CELF2: variants seen among roughly 807,000 people sequenced by gnomAD.
The protein encoded by CELF2 is CUG triplet repeat RNA-binding protein 2.
CELF2 carries 8 observed loss-of-function variants against 62.6 expected under a neutral mutation model. That is an observed-to-expected ratio of 0.13 (90% CI 0.07 to 0.23). The LOEUF is 0.23. CELF2 is among the 10% of genes least tolerant of loss of function. The pLI is 1.00. For synonymous variants in CELF2, 258 were observed against 250.0 expected (o/e 1.03, Z -0.30); for missense variants, 333 against 671.0 (o/e 0.50, Z 5.56).
intron 2 of CELF2, among the ~76,000 whole-genome samples, chr10:10,953,294 C>G (rs373730049): frequency 6.6e-6 from 1 of 152,126 alleles, no homozygotes; most frequent in Non-Finnish European, 1.5e-5. Context: ...TCACTCTATA[C>G]CATCTATAAT....
the CELF2 span, among the ~76,000 whole-genome samples, chr10:10,592,011 G>C: frequency 2.0e-5 from 3 of 151,622 alleles, no homozygotes; most frequent in African/African-American, 7.3e-5. Flanking sequence ...CAGTCCCTGA[G>C]GCCAAAAGAC....
chr10:10,688,117 G>C, the CELF2 span, among the ~76,000 whole-genome samples: 1 of 152,188 alleles, frequency 6.6e-6, no homozygotes, highest in Non-Finnish European at 1.5e-5. Flanking sequence ...AGTCAGTCTG[G>C]AGTTTTTATT....
upstream of CELF2, among the ~76,000 whole-genome samples, chr10:11,017,293 T>C (rs907022377): frequency 2.0e-5 from 3 of 152,232 alleles, no homozygotes; most frequent in Admixed American, 6.5e-5. The surrounding 1 kb of genome is among the most constrained non-coding windows in gnomAD (Gnocchi z 5.5). Flanking sequence ...TTATCGTTTG[T>C]GTAGAAAACG....
the CELF2 span, among the ~76,000 whole-genome samples, chr10:10,627,934 G>A: frequency 1.3e-5 from 2 of 152,108 alleles, no homozygotes; most frequent in Admixed American, 6.5e-5. Context: ...ATAGAGTCTC[G>A]CTCTGTCACC....
At chr10:10,690,403 C>T in the CELF2 span, among the ~76,000 whole-genome samples, 1,310 of 152,276 alleles carry the variant, frequency 8.6e-3, 7 homozygotes, top group African/African-American at 0.012. Flanking sequence ...TAAGTGTTAT[C>T]ATGTGTATGT....
At position 11,244,964 on chromosome 10, in the gene CELF2, G is replaced by A. The variant is rs960219249; in HGVS notation, c.355-4189G>A. 1.3e-5 allele frequency among the ~76,000 whole-genome samples: 2 copies of A among 152,042 alleles called. No homozygotes were observed. The highest frequency in any genetic ancestry group is 4.8e-5 in the African/African-American group (2 of 41,396). On this transcript the variant is annotated intron_variant, in intron 3 of 12. Transcript: ENST00000633077. This position sits in a 1 kb window ranked among gnomAD's most constrained non-coding sequence, Gnocchi z 4.2. ...CAGCTCTTACCACGTCTCTTATCAC[G>A]CTGTGGGAAATGCTTGCTGTATCTG... is the stretch of plus-strand genomic sequence containing the variant.
chr10:11,093,335 A>C (rs2048854991), intron 1 of CELF2, among the ~76,000 whole-genome samples: 2 of 152,226 alleles, frequency 1.3e-5, no homozygotes, highest in Admixed American at 1.3e-4. Context: ...CTAACACCCA[A>C]CATTATTTTA....
chr10:10,518,419 T>C, the CELF2 span, among the ~76,000 whole-genome samples: 2 of 152,228 alleles, frequency 1.3e-5, no homozygotes, highest in African/African-American at 2.4e-5. Context: ...GTATTTCACC[T>C]TCCTGGTTTG....
At chr10:10,975,594 C>G (rs1172308956) in intron 2 of CELF2, among the ~76,000 whole-genome samples, 6 of 152,214 alleles carry the variant, frequency 3.9e-5, no homozygotes, top group African/African-American at 7.2e-5. Flanking sequence ...TTAGTACTTG[C>G]ATTTGTGATA....
Position 10,800,572 on chromosome 10 carries a change from C to G in CELF2, c.53+1755C>G, listed in dbSNP as rs149254292. On this transcript the variant is annotated intron_variant, in intron 1 of 13. Coordinates refer to the CELF2 transcript ENST00000636488. The stretch of plus-strand genomic sequence containing the variant: ...TTCACCATGTTTCCCAGACTGGTCT[C>G]GAACTCCTGACCTCAGGTGATACAC... 7.2e-4 allele frequency among the ~76,000 whole-genome samples: 109 copies of G among 152,256 alleles called. 1 individual carries two copies. Among genetic ancestry groups the G allele is most frequent in the African/African-American group, 2.5e-3 (103 of 41,546 alleles).
the CELF2 span, among the ~76,000 whole-genome samples, chr10:10,714,450 A>G: frequency 6.6e-6 from 1 of 152,204 alleles, no homozygotes; most frequent in South Asian, 2.1e-4. Flanking sequence ...TCTGCCGGCT[A>G]GACATGTTTA....
Position 11,329,938 on chromosome 10 carries a change from CAGAAATAATGGAAGTTAT to C in CELF2, c.*886_*903del, listed in dbSNP as rs1192841103. ...TTTTTATACAAAATTTTTACTGCCT[CAGAAATAATGGAAGTTAT>C]TTATTGCCTATTGTTAACTTATTGG... is the stretch of plus-strand genomic sequence containing the variant. On this transcript the variant is annotated 3_prime_UTR_variant, in exon 13 of 13. Transcript: ENST00000633077. This position sits in a 1 kb window ranked among gnomAD's most constrained non-coding sequence, Gnocchi z 5.5. The C allele has an allele frequency of 6.6e-6, 1 of 152,568 alleles. No homozygotes were observed. Among genetic ancestry groups the C allele is most frequent in the Non-Finnish European group, 1.5e-5 (1 of 68,022 alleles). The allele number at this position is 152,568 out of a possible 1,614,324, so 9.5% of individuals were successfully genotyped here.
chr10:10,784,033 G>T, the CELF2 span, among the ~76,000 whole-genome samples: 2 of 151,718 alleles, frequency 1.3e-5, no homozygotes, highest in Non-Finnish European at 2.9e-5. Context: ...CCTCCAACTT[G>T]CTGACTTTGA....
chr10:11,320,847 T>C (rs1326007982), intron 10 of CELF2: 3 of 1,526,728 alleles, frequency 2.0e-6, no homozygotes, highest in Non-Finnish European at 2.6e-6. Context: ...TTTTTTTACA[T>C]GCTCCTAAGC....
intron 1 of CELF2, among the ~76,000 whole-genome samples, chr10:11,105,926 T>C (rs1428249231): frequency 1.3e-5 from 2 of 152,252 alleles, no homozygotes; most frequent in African/African-American, 4.8e-5. Flanking sequence ...TCTGGCATTA[T>C]ATAGTGTCTG....
At chr10:10,856,194 T>A (rs1336035193) in intron 1 of CELF2, among the ~76,000 whole-genome samples, 1 of 152,196 alleles carries the variant, frequency 6.6e-6, no homozygotes, top group Non-Finnish European at 1.5e-5. Context: ...ATATTTTACT[T>A]TAATCCTGAC....
chr10:10,508,470 C>T, the CELF2 span, among the ~76,000 whole-genome samples: 69 of 152,332 alleles, frequency 4.5e-4, no homozygotes, highest in African/African-American at 1.6e-3. Flanking sequence ...AGAGCCTCGG[C>T]ATGCTCTTGA....
chr10:10,693,704 A>G, the CELF2 span, among the ~76,000 whole-genome samples: 1 of 151,454 alleles, frequency 6.6e-6, no homozygotes, highest in Non-Finnish European at 1.5e-5. Flanking sequence ...TTATTTGTCT[A>G]TTCAGAGATT....
the CELF2 span, among the ~76,000 whole-genome samples, chr10:10,523,514 A>C: frequency 2.6e-5 from 4 of 152,180 alleles, no homozygotes; most frequent in African/African-American, 7.2e-5. Context: ...GGAGGTGGTG[A>C]AACCTTGTAA....
Sources: gnomAD v4.1 joint callset for allele counts (sites outside exome capture counted in the v4.1 genomes callset) on GRCh38, gnomAD v4.1.1 for gene constraint, Gnocchi (gnomAD v3.1) non-coding constraint, MANE v1.5 for transcripts, NCBI Gene and HGNC (gene_info 2026-07-23, HGNC 2026-07-21) for gene names.